The following HEBP1 variants were observed in gnomAD, a reference collection of about 807,000 sequenced individuals.
The protein encoded by HEBP1 is heme binding protein 1.
In HEBP1, 13 loss-of-function variants were observed where a neutral mutation model predicts 20.4. That is an observed-to-expected ratio of 0.64 (90% CI 0.42 to 1.01). The LOEUF is 1.01. HEBP1 is among the 50% of genes least tolerant of loss of function. The pLI, the probability that HEBP1 is intolerant of heterozygous loss-of-function variation, is 0.00. For synonymous variants in HEBP1, 92 were observed against 90.7 expected, an observed-to-expected ratio of 1.01 and a Z score of -0.08; for missense variants, 241 against 247.3, an observed-to-expected ratio of 0.97 and a Z score of 0.17.
At position 12,974,929 on chromosome 12, in the gene HEBP1, G is replaced by T; in HGVS notation, c.*379C>A. The T allele has an allele frequency of 1.0e-5, 2 of 195,102 alleles. No homozygotes were observed. The highest frequency in any genetic ancestry group is 2.1e-5 in the Non-Finnish European group (2 of 94,234). 12.1% of individuals were successfully genotyped at this position (195,102 alleles called of 1,614,324 possible). A position where few individuals can be genotyped will look rare whatever the true frequency, so the allele number is the denominator to read the frequency against. On this transcript the variant is annotated 3_prime_UTR_variant, in exon 4 of 4. Transcript: ENST00000014930. ...TTTTCTGAAGACAAAGCTCTTATAA[G>T]AATCACAGATGAAAGATCAGGCACA...
intron 2 of HEBP1, 148 bp downstream of exon 2, chr12:12,989,129 T>G (rs2136546586): frequency 1.3e-6 from 1 of 794,368 alleles, no homozygotes; most frequent in East Asian, 2.5e-5. Flanking sequence ...AATAAACTGC[T>G]TGTTCACACA....
intron 3 of HEBP1, among the ~76,000 whole-genome samples, chr12:12,977,882 T>G (rs1358510275): frequency 6.6e-6 from 1 of 152,228 alleles, no homozygotes; most frequent in Non-Finnish European, 1.5e-5. Context: ...TTGTTATTTT[T>G]TGGTCACTGA....
intron 3 of HEBP1, among the ~76,000 whole-genome samples, chr12:12,977,952 A>G (rs749833622): frequency 1.3e-5 from 2 of 152,204 alleles, no homozygotes; most frequent in Admixed American, 6.5e-5. Context: ...TAAATGAACA[A>G]TTCTGGGCTA....
chr12:12,990,626 ACT>A (rs1373906722), intron 1 of HEBP1, among the ~76,000 whole-genome samples: 1 of 152,028 alleles, frequency 6.6e-6, no homozygotes, highest in Non-Finnish European at 1.5e-5. Flanking sequence ...TCGTGGCTTG[ACT>A]CTGAAAGAAA....
intron 1 of HEBP1, among the ~76,000 whole-genome samples, chr12:12,989,618 A>G (rs111314926): frequency 1.1e-3 from 172 of 152,298 alleles, no homozygotes; most frequent in Middle Eastern, 6.8e-3. Flanking sequence ...AATCTTATAC[A>G]TTATATTCTT....
intron 3 of HEBP1, among the ~76,000 whole-genome samples, chr12:12,982,199 G>A (rs1200023643): frequency 6.6e-6 from 1 of 152,144 alleles, no homozygotes; most frequent in Admixed American, 6.5e-5. Flanking sequence ...ATTCTAGTGG[G>A]GAGAGGGCAA....
rs1313153133 is a variant in HEBP1 at position 13,000,211 on chromosome 12, C to A, written c.-97G>T. On this transcript the variant is annotated 5_prime_UTR_variant, in exon 1 of 4. Transcript: ENST00000014930. ...GACCACCGGCGGCAGGGCGGCAGGGCGGCAGGGCGGCAGGGCGGCAGGGTG... is the reference window on the plus strand; with the variant it reads ...GACCACCGGCGGCAGGGCGGCAGGGAGGCAGGGCGGCAGGGCGGCAGGGTG... 1 of 388,912 alleles carries A rather than the reference C, an allele frequency of 2.6e-6. No homozygotes were observed. Among genetic ancestry groups the A allele is most frequent in the Non-Finnish European group, 4.6e-6 (1 of 215,892 alleles). The allele number at this position is 388,912 out of a possible 1,614,324, so 24.1% of individuals were successfully genotyped here.
rs374878519 is a variant in HEBP1, at chr12:12,981,091, T to TGTGTAGATG, written c.399-5621_399-5613dup. The stretch of plus-strand genomic sequence containing the variant: ...ATTTGTGCAAGAGATGATGAAGACC[T>TGTGTAGATG]GTGTAGATGGAAGGGAAGGAAGGGA... On this transcript the variant is annotated intron_variant, in intron 3 of 3. Transcript: ENST00000014930. 1.4e-4 allele frequency among the ~76,000 whole-genome samples: 21 copies of TGTGTAGATG among 152,128 alleles called. 1 individual carries two copies. Among genetic ancestry groups the TGTGTAGATG allele is most frequent in the African/African-American group, 5.1e-4 (21 of 41,412 alleles).
intron 3 of HEBP1, chr12:12,979,993 T>A (rs1406462934): frequency 6.6e-6 from 1 of 152,160 alleles, no homozygotes; most frequent in Non-Finnish European, 1.5e-5. Flanking sequence ...AATGTGTTAT[T>A]TTTTAGGGAG....
At chr12:12,979,604 T>C (rs976567274) in intron 3 of HEBP1, 1 of 152,214 alleles carries the variant, frequency 6.6e-6, no homozygotes, top group African/African-American at 2.4e-5. Flanking sequence ...GCTCTCCGAA[T>C]TCCTGCGCGC....
chr12:12,987,016 G>T, intron 3 of HEBP1, 136 bp downstream of exon 3: 1 of 723,204 alleles, frequency 1.4e-6, no homozygotes, highest in Non-Finnish European at 2.4e-6. Flanking sequence ...ATGAGAAACT[G>T]TTAGGATTCA....
intron 1 of HEBP1, 65 bp downstream of exon 1, chr12:12,999,972 G>T: frequency 2.6e-6 from 3 of 1,136,658 alleles, no homozygotes; most frequent in Non-Finnish European, 3.9e-6. Context: ...ACCCGCTGCA[G>T]CCCCGACGAG....
chr12:12,976,025 G>T (rs1863977313), intron 3 of HEBP1, among the ~76,000 whole-genome samples: 1 of 140,932 alleles, frequency 7.1e-6, no homozygotes, highest in South Asian at 2.3e-4. Context: ...ACTTGTAGCA[G>T]CTTCATTTAA....
In HEBP1 at chr12:12,998,457, C is replaced by T. The variant is rs117931035; in HGVS notation, c.78+1580G>A. ...TTAGAGATGGGGACCTGAGTTCACTCTCTGATTTGCCTCAGTCCCCACTAT... is the reference window on the plus strand; with the variant it reads ...TTAGAGATGGGGACCTGAGTTCACTTTCTGATTTGCCTCAGTCCCCACTAT... On this transcript the variant is annotated intron_variant, in intron 1 of 3. Transcript: ENST00000014930. The surrounding 1 kb of genome is among the most constrained non-coding windows in gnomAD (Gnocchi z 4.2). Among the ~76,000 whole-genome samples, 1 of 152,184 alleles carries T rather than the reference C, an allele frequency of 6.6e-6. No homozygotes were observed. The highest frequency in any genetic ancestry group is 1.5e-5 in the Non-Finnish European group (1 of 68,038).
intron 3 of HEBP1, among the ~76,000 whole-genome samples, chr12:12,976,097 A>AAAC (rs1412203827): frequency 1.3e-5 from 2 of 150,200 alleles, no homozygotes; most frequent in African/African-American, 4.9e-5. Flanking sequence ...AAAAAAAAAA[A>AAAC]AACAAACCAA....
intron 2 of HEBP1, among the ~76,000 whole-genome samples, chr12:12,988,982 C>G (rs1287960227): frequency 6.6e-6 from 1 of 152,096 alleles, no homozygotes; most frequent in Non-Finnish European, 1.5e-5. Context: ...ATAATAAGCA[C>G]TGCAGGGTTA....
At chr12:12,980,307 C>G (rs369863219) in intron 3 of HEBP1, 1 of 152,138 alleles carries the variant, frequency 6.6e-6, no homozygotes, top group South Asian at 2.1e-4. Context: ...GTCTTTCTAC[C>G]CTCGAGAGCT....
intron 2 of HEBP1, among the ~76,000 whole-genome samples, chr12:12,988,762 G>A (rs1466513700): frequency 3.9e-5 from 6 of 152,174 alleles, no homozygotes; most frequent in Non-Finnish European, 8.8e-5. Flanking sequence ...GAACTGCCAA[G>A]TTTTTAAGAG....
intron 1 of HEBP1, among the ~76,000 whole-genome samples, chr12:12,999,325 T>A (rs1864326583): frequency 6.6e-6 from 1 of 152,160 alleles, no homozygotes; most frequent in South Asian, 2.1e-4. Context: ...ATAACAGCAA[T>A]TATAACAATA....
Sources: allele counts gnomAD v4.1 joint callset (sites outside exome capture counted in the v4.1 genomes callset), GRCh38; gene constraint gnomAD v4.1.1; non-coding constraint Gnocchi (gnomAD v3.1); transcripts MANE v1.5; gene names NCBI Gene and HGNC (gene_info 2026-07-23, HGNC 2026-07-21).